Variants in FHIT observed in about 807,000 individuals in gnomAD.
The protein encoded by FHIT is bis(5'-adenosyl)-triphosphatase.
In FHIT, 19 loss-of-function variants were observed where a neutral mutation model predicts 17.9. The observed-to-expected ratio is 1.06, with a 90% CI of 0.74 to 1.56. FHIT has a LOEUF of 1.56. Ranked by LOEUF, FHIT falls within the 40% of genes most tolerant of loss-of-function variation. The pLI is 0.00. For synonymous variants in FHIT, 81 were observed against 69.7 expected (o/e 1.16, Z -0.81); for missense variants, 248 against 189.2 (o/e 1.31, Z -1.82).
chr3:60,849,079 A>G (rs1051702364), intron 3 of FHIT, among the ~76,000 whole-genome samples: 1 of 152,142 alleles, frequency 6.6e-6, no homozygotes, highest in Non-Finnish European at 1.5e-5. Context: ...TATTTTTATC[A>G]ATAGTTGCAA....
intron 5 of FHIT, among the ~76,000 whole-genome samples, chr3:60,335,118 G>A (rs990781678): frequency 6.6e-6 from 1 of 151,942 alleles, no homozygotes; most frequent in Admixed American, 6.6e-5. Context: ...ACTATAACAA[G>A]GACATTCACA....
intron 8 of FHIT, among the ~76,000 whole-genome samples, chr3:59,791,460 A>G (rs1699556257): frequency 6.6e-6 from 1 of 152,150 alleles, no homozygotes; most frequent in South Asian, 2.1e-4. Context: ...CCCTAATGAC[A>G]TTGCTTGTGC....
At chr3:61,199,715 C>T (rs577190345) in intron 2 of FHIT, among the ~76,000 whole-genome samples, 42 of 151,984 alleles carry the variant, frequency 2.8e-4, no homozygotes, top group African/African-American at 9.9e-4. Context: ...TCAACTTTAA[C>T]TAAAGTGGTC....
chr3:60,806,756 T>C (rs1553734362), intron 4 of FHIT, among the ~76,000 whole-genome samples: 1 of 152,232 alleles, frequency 6.6e-6, no homozygotes, highest in East Asian at 1.9e-4. Flanking sequence ...TAACATGATA[T>C]GGCACACGTA....
At chr3:60,522,309 C>T (rs1403035261) in intron 5 of FHIT, among the ~76,000 whole-genome samples, 2 of 152,062 alleles carry the variant, frequency 1.3e-5, no homozygotes, top group Non-Finnish European at 2.9e-5. Flanking sequence ...CAGGGTTTCA[C>T]CATGTTGGCC....
intron 8 of FHIT, among the ~76,000 whole-genome samples, chr3:59,765,462 G>C (rs1429380940): frequency 6.6e-6 from 1 of 152,210 alleles, no homozygotes; most frequent in East Asian, 1.9e-4. Flanking sequence ...AGTACTGCTA[G>C]ATTTAGGTGG....
At position 60,191,836 on chromosome 3, in the gene FHIT, A is replaced by T. The variant is rs1215866673; in HGVS notation, c.104-177684T>A. On this transcript the variant is annotated intron_variant, in intron 5 of 9. Transcript: ENST00000492590. ...TACTTTTAAAAAGTCATTTTTAAAC[A>T]TTTTTACAGTGGGAGAAACCCAAAA... 3.3e-5 allele frequency among the ~76,000 whole-genome samples: 5 copies of T among 152,324 alleles called. No homozygotes were observed. The East Asian group carries it at 5.8e-4, about 18-fold the overall frequency.
chr3:60,053,840 T>A (rs943982547), intron 5 of FHIT, among the ~76,000 whole-genome samples: 2 of 152,124 alleles, frequency 1.3e-5, no homozygotes, highest in Non-Finnish European at 2.9e-5. Flanking sequence ...TTCACAGGAT[T>A]AAAAAACTCC....
chr3:60,101,306 C>T (rs1309164638), intron 5 of FHIT, among the ~76,000 whole-genome samples: 4 of 152,228 alleles, frequency 2.6e-5, no homozygotes, highest in Non-Finnish European at 4.4e-5. Flanking sequence ...ATGTCCACCT[C>T]GGGCCACTCT....
chr3:60,560,238 T>G (rs371903688), intron 4 of FHIT, among the ~76,000 whole-genome samples: 6 of 152,152 alleles, frequency 3.9e-5, no homozygotes, highest in Non-Finnish European at 7.3e-5. Flanking sequence ...CATATAGAAG[T>G]GCCTGTCTTG....
chr3:60,140,263 G>A (rs1699984208), intron 5 of FHIT, among the ~76,000 whole-genome samples: 2 of 152,104 alleles, frequency 1.3e-5, no homozygotes. Flanking sequence ...CCATTCTGAT[G>A]ATAGTGCCTC....
At chr3:59,757,253 C>G (rs1701265654) in intron 8 of FHIT, among the ~76,000 whole-genome samples, 1 of 152,200 alleles carries the variant, frequency 6.6e-6, no homozygotes, top group African/African-American at 2.4e-5. Context: ...TATTCACATT[C>G]AACAGACTGA....
chr3:60,558,931 A>C (rs2036836890), intron 4 of FHIT, among the ~76,000 whole-genome samples: 1 of 152,210 alleles, frequency 6.6e-6, no homozygotes, highest in Non-Finnish European at 1.5e-5. Flanking sequence ...GGATGTGATA[A>C]TACGTGTATC....
At chr3:60,029,770 T>C (rs1700908078) in intron 5 of FHIT, among the ~76,000 whole-genome samples, 1 of 152,082 alleles carries the variant, frequency 6.6e-6, no homozygotes, top group Non-Finnish European at 1.5e-5. Flanking sequence ...GTGAGGAGAA[T>C]TACCTAATTG....
At chr3:60,766,162 T>G (rs1699848225) in intron 4 of FHIT, among the ~76,000 whole-genome samples, 1 of 152,260 alleles carries the variant, frequency 6.6e-6, no homozygotes, top group Admixed American at 6.5e-5. Context: ...CTACTTGTTC[T>G]GTCCCTCTGG....
chr3:60,112,201 T>C (rs1704704520), intron 5 of FHIT, among the ~76,000 whole-genome samples: 1 of 152,152 alleles, frequency 6.6e-6, no homozygotes, highest in African/African-American at 2.4e-5. Context: ...GAGAAATAAC[T>C]TGGAGGGCTG....
At chr3:60,033,266 C>CG (rs2106795206) in intron 5 of FHIT, among the ~76,000 whole-genome samples, 1 of 152,098 alleles carries the variant, frequency 6.6e-6, no homozygotes, top group African/African-American at 2.4e-5. Flanking sequence ...GAGGCTGAGG[C>CG]GGGGGGATCA....
At chr3:61,115,852 G>C (rs770336698) in intron 2 of FHIT, among the ~76,000 whole-genome samples, 4 of 152,144 alleles carry the variant, frequency 2.6e-5, no homozygotes, top group Non-Finnish European at 5.9e-5. Context: ...GTTCATATGA[G>C]AGATGCAAGA....
At chr3:60,653,667 TAA>T (rs34095991) in intron 4 of FHIT, among the ~76,000 whole-genome samples, 19 of 149,884 alleles carry the variant, frequency 1.3e-4, no homozygotes, top group African/African-American at 1.5e-4. Flanking sequence ...TCCTGAAAAG[TAA>T]AAAAAAAAAG....
Sources: allele counts gnomAD v4.1 joint callset (sites outside exome capture counted in the v4.1 genomes callset), GRCh38; gene constraint gnomAD v4.1.1; transcripts MANE v1.5; gene names NCBI Gene and HGNC (gene_info 2026-07-23, HGNC 2026-07-21).